Variants in RASA2 observed in about 807,000 individuals in gnomAD.
RASA2 encodes ras GTPase-activating protein 2.
In RASA2, 155 loss-of-function variants were observed where a neutral mutation model predicts 118.2. The observed-to-expected ratio is 1.31, with a 90% CI of 1.15 to 1.50. The LOEUF (loss-of-function observed/expected upper bound fraction) is 1.50. RASA2 is among the 40% of genes most tolerant of loss of function. The pLI is 0.00. For synonymous variants in RASA2, 353 were observed against 349.1 expected, an observed-to-expected ratio of 1.01 and a Z score of -0.12; for missense variants, 1,016 against 1,009.6, an observed-to-expected ratio of 1.01 and a Z score of -0.09.
intron 1 of RASA2, among the ~76,000 whole-genome samples, chr3:141,511,560 G>A (rs2081950672): frequency 6.6e-6 from 1 of 152,090 alleles, no homozygotes; most frequent in African/African-American, 2.4e-5. Context: ...GCCAGGCCGG[G>A]TATGATGAAA....
At chr3:141,506,240 T>C (rs2081864564) in intron 1 of RASA2, among the ~76,000 whole-genome samples, 1 of 152,250 alleles carries the variant, frequency 6.6e-6, no homozygotes, top group Non-Finnish European at 1.5e-5. Flanking sequence ...TTGTCATTGA[T>C]ATACCTCCTG....
At chr3:141,504,771 C>T (rs2081838784) in intron 1 of RASA2, among the ~76,000 whole-genome samples, 1 of 152,134 alleles carries the variant, frequency 6.6e-6, no homozygotes. Context: ...TTTCCCGTGC[C>T]TGTAAGACCT....
intron 9 of RASA2, among the ~76,000 whole-genome samples, chr3:141,567,277 G>T (rs1577749406): frequency 6.6e-6 from 1 of 151,972 alleles, no homozygotes; most frequent in South Asian, 2.1e-4. Flanking sequence ...TTAGCCCGGT[G>T]TGGTGGCCCG....
At chr3:141,509,013 ATTAC>A (rs2081910782) in intron 1 of RASA2, among the ~76,000 whole-genome samples, 1 of 152,150 alleles carries the variant, frequency 6.6e-6, no homozygotes, top group South Asian at 2.1e-4. Context: ...TAGGCACAAT[ATTAC>A]TTTTATTATA....
chr3:141,582,889 A>G (rs1012589506), intron 17 of RASA2, among the ~76,000 whole-genome samples: 1 of 152,230 alleles, frequency 6.6e-6, no homozygotes, highest in Admixed American at 6.5e-5. Context: ...AGAGTTTAGA[A>G]AGGATAACCT....
chr3:141,567,186 C>T (rs1159413171), intron 9 of RASA2, among the ~76,000 whole-genome samples: 1 of 152,040 alleles, frequency 6.6e-6, no homozygotes, highest in Non-Finnish European at 1.5e-5. Flanking sequence ...GAGGCTGAGG[C>T]GGGTAGATCA....
chr3:141,606,192 T>G (rs181995516), intron 19 of RASA2, among the ~76,000 whole-genome samples: 1 of 152,310 alleles, frequency 6.6e-6, no homozygotes, highest in East Asian at 1.9e-4. Flanking sequence ...TGCAGATGTC[T>G]TATTGTACAT....
At chr3:141,593,797 G>A (rs74455238) in intron 19 of RASA2, among the ~76,000 whole-genome samples, 3,229 of 152,222 alleles carry the variant, frequency 0.021, 138 homozygotes, top group African/African-American at 0.074. Context: ...TATAAACAAA[G>A]TATAAAACCA....
At chr3:141,612,225 C>A (rs1279129665) in intron 23 of RASA2, 58 bp from the exon 24 acceptor site, 2 of 1,258,130 alleles carry the variant, frequency 1.6e-6, no homozygotes, top group South Asian at 1.3e-5. Context: ...ATATATTTGT[C>A]ACCCTTTAAA....
rs563420840 is a variant in RASA2 at position 141,532,441 on chromosome 3, C to T, written c.450+2639C>T. On this transcript the variant is annotated intron_variant, in intron 4 of 23. Coordinates refer to ENST00000286364, the MANE Select transcript of RASA2 (RefSeq NM_006506.5). ...GCTCCTAAAGAGTTTCTTGGAATGT[C>T]ATCATAGGAACTTTACATTGCCAGT... Among the ~76,000 whole-genome samples the T allele has an allele frequency of 1.4e-4, 21 of 152,164 alleles. No homozygotes were observed. The South Asian group carries it at 4.4e-3, about 32-fold the overall frequency.
At chr3:141,512,487 T>A (rs1479444101) in intron 2 of RASA2, among the ~76,000 whole-genome samples, 2 of 152,210 alleles carry the variant, frequency 1.3e-5, no homozygotes, top group African/African-American at 4.8e-5. Flanking sequence ...CATGACAGGC[T>A]AAATATTGCC....
intron 4 of RASA2, among the ~76,000 whole-genome samples, chr3:141,538,298 G>A (rs2082357938): frequency 6.6e-6 from 1 of 151,970 alleles, no homozygotes; most frequent in South Asian, 2.1e-4. Flanking sequence ...TCTTTACTAA[G>A]AACAACACAG....
At chr3:141,564,256 G>A (rs1006070747) in intron 9 of RASA2, among the ~76,000 whole-genome samples, 11 of 152,086 alleles carry the variant, frequency 7.2e-5, no homozygotes, top group African/African-American at 2.7e-4. Context: ...GTTATTTGGA[G>A]CTAAAGGAAA....
chr3:141,522,309 C>T (rs1211971763), intron 3 of RASA2, among the ~76,000 whole-genome samples: 4 of 151,992 alleles, frequency 2.6e-5, no homozygotes, highest in Admixed American at 1.3e-4. Context: ...GTGGAGGGCC[C>T]GGGGCTGCTG....
At chr3:141,560,485 T>G (rs78266163) in intron 9 of RASA2, among the ~76,000 whole-genome samples, 3,431 of 152,270 alleles carry the variant, frequency 0.023, 138 homozygotes, top group African/African-American at 0.077. Context: ...TGTTACTTTT[T>G]GAATGTCTAA....
Position 141,613,074 on chromosome 3 carries a change from C to T in RASA2, c.*761C>T, listed in dbSNP as rs1257116590. The T allele has an allele frequency of 6.6e-6, 1 of 152,186 alleles. No homozygotes were observed. The highest frequency in any genetic ancestry group is 1.5e-5 in the Non-Finnish European group (1 of 68,036). The allele number at this position is 152,186 out of a possible 1,614,324, so 9.4% of individuals were successfully genotyped here. ...TCATTTTCTTGATTTGAAAGTTTAA[C>T]ATGACTTCTAAGGACATCTCTTCAA... On this transcript the variant is annotated 3_prime_UTR_variant, in exon 24 of 24. Coordinates refer to ENST00000286364, the MANE Select transcript of RASA2 (RefSeq NM_006506.5).
intron 9 of RASA2, among the ~76,000 whole-genome samples, chr3:141,566,606 C>T (rs1261398052): frequency 6.6e-6 from 1 of 151,972 alleles, no homozygotes; most frequent in Non-Finnish European, 1.5e-5. Flanking sequence ...ATAGTGATGA[C>T]TTTTTAAAAT....
chr3:141,601,680 A>G (rs2107794264), intron 19 of RASA2, among the ~76,000 whole-genome samples: 1 of 152,044 alleles, frequency 6.6e-6, no homozygotes, highest in South Asian at 2.1e-4. Context: ...GGTGGTTGAA[A>G]TTTTTCAAGA....
At chr3:141,562,994 G>T (rs1392232767) in intron 9 of RASA2, among the ~76,000 whole-genome samples, 1 of 152,148 alleles carries the variant, frequency 6.6e-6, no homozygotes, top group Non-Finnish European at 1.5e-5. Flanking sequence ...TAATAGAACT[G>T]CTTCTTTATT....
Sources: gnomAD v4.1 joint callset for allele counts (sites outside exome capture counted in the v4.1 genomes callset) on GRCh38, gnomAD v4.1.1 for gene constraint, MANE v1.5 for transcripts, NCBI Gene and HGNC (gene_info 2026-07-23, HGNC 2026-07-21) for gene names.